The following B3GALT1 variants were observed in gnomAD, a reference collection of about 807,000 sequenced individuals.
The protein encoded by B3GALT1 is UDP-Gal:betaGlcNAc beta 1,3-galactosyltransferase, polypeptide 1.
In B3GALT1, 10 loss-of-function variants were observed where a neutral mutation model predicts 23.2. That is an observed-to-expected ratio of 0.43 (90% CI 0.27 to 0.73). The LOEUF is 0.73. B3GALT1 is among the 30% of genes least tolerant of loss of function. The pLI, the probability that B3GALT1 is intolerant of heterozygous loss-of-function variation, is 0.21. For missense variants in B3GALT1, 299 were observed against 405.4 expected (o/e 0.74, Z 2.25); for synonymous variants, 156 against 141.5 (o/e 1.10, Z -0.73).
chr2:167,556,243 T>G (rs1233119598), intron 2 of B3GALT1, among the ~76,000 whole-genome samples: 1 of 152,094 alleles, frequency 6.6e-6, no homozygotes, highest in Non-Finnish European at 1.5e-5. Flanking sequence ...ACTCAGAGGT[T>G]GAATTAAAAA....
chr2:167,814,924 A>G (rs1436468443), intron 3 of B3GALT1: 1 of 152,178 alleles, frequency 6.6e-6, no homozygotes, highest in Non-Finnish European at 1.5e-5. Flanking sequence ...TGTGTTATAA[A>G]CGTATGTGCC....
At chr2:167,759,482 A>G (rs1229634282) in intron 3 of B3GALT1, among the ~76,000 whole-genome samples, 1 of 152,260 alleles carries the variant, frequency 6.6e-6, no homozygotes, top group South Asian at 2.1e-4. Context: ...TGGAGCACAG[A>G]GAGATCTTAC....
Position 167,435,931 on chromosome 2 carries a change from T to C in B3GALT1, c.-510-54246T>C, listed in dbSNP as rs138923189. The stretch of plus-strand genomic sequence containing the variant: ...CTATCTTGATCTCTGCTTTTCTCCA[T>C]GTCTACCCTCCACACACACACAAAC... On this transcript the variant is annotated intron_variant, in intron 1 of 4. Transcript: ENST00000392690. 2.5e-3 allele frequency among the ~76,000 whole-genome samples: 373 copies of C among 150,236 alleles called. 1 individual carries two copies. Among genetic ancestry groups the C allele is most frequent in the African/African-American group, 8.6e-3 (349 of 40,442 alleles).
At chr2:167,788,794 G>C (rs905603130) in intron 3 of B3GALT1, among the ~76,000 whole-genome samples, 2 of 152,146 alleles carry the variant, frequency 1.3e-5, no homozygotes, top group African/African-American at 4.8e-5. Flanking sequence ...AAAGTGACCA[G>C]AAAATTTATG....
At chr2:167,749,406 A>G (rs1006395917) in intron 3 of B3GALT1, among the ~76,000 whole-genome samples, 5 of 152,152 alleles carry the variant, frequency 3.3e-5, no homozygotes, top group Non-Finnish European at 7.4e-5. Flanking sequence ...ATATAGACCC[A>G]TGTACCTTAC....
chr2:167,810,695 A>G (rs1178887881), intron 3 of B3GALT1, among the ~76,000 whole-genome samples: 8 of 147,406 alleles, frequency 5.4e-5, no homozygotes, highest in Admixed American at 1.3e-4. Flanking sequence ...CATAGATCCC[A>G]CTGCATGCCC....
intron 1 of B3GALT1, among the ~76,000 whole-genome samples, chr2:167,396,808 A>T (rs1698106433): frequency 1.3e-5 from 2 of 151,996 alleles, no homozygotes; most frequent in East Asian, 1.9e-4. Context: ...TAATGCAAAA[A>T]GTATAATACT....
chr2:167,425,937 T>C (rs1698615946), intron 1 of B3GALT1, among the ~76,000 whole-genome samples: 1 of 152,178 alleles, frequency 6.6e-6, no homozygotes, highest in African/African-American at 2.4e-5. Flanking sequence ...TAATATACCA[T>C]TTTTTGCTGC....
At chr2:167,735,650 A>C (rs544022843) in intron 3 of B3GALT1, among the ~76,000 whole-genome samples, 42 of 152,364 alleles carry the variant, frequency 2.8e-4, no homozygotes, top group African/African-American at 9.6e-4. Flanking sequence ...ATCAGTAAAG[A>C]ATACAAGAGG....
At chr2:167,813,266 C>T (rs541211445) in intron 3 of B3GALT1, among the ~76,000 whole-genome samples, 2 of 152,272 alleles carry the variant, frequency 1.3e-5, no homozygotes, top group East Asian at 3.9e-4. Context: ...GAAATAGACT[C>T]TGTGCTGAGC....
chr2:167,624,533 G>A (rs898473210), intron 2 of B3GALT1, among the ~76,000 whole-genome samples: 3 of 152,026 alleles, frequency 2.0e-5, no homozygotes, highest in East Asian at 1.9e-4. Context: ...AGACATGAGC[G>A]TTTTATTTGT....
chr2:167,638,376 A>C (rs2105453170), intron 2 of B3GALT1, among the ~76,000 whole-genome samples: 1 of 152,228 alleles, frequency 6.6e-6, no homozygotes, highest in South Asian at 2.1e-4. Flanking sequence ...ATGAACTTAA[A>C]AGAAAACTGA....
chr2:167,532,187 A>G (rs1237360352), intron 2 of B3GALT1, among the ~76,000 whole-genome samples: 1 of 152,036 alleles, frequency 6.6e-6, no homozygotes, highest in Non-Finnish European at 1.5e-5. Flanking sequence ...TAATTTGTCT[A>G]TTGGGATGCT....
chr2:167,588,962 A>G (rs910313992), intron 2 of B3GALT1, among the ~76,000 whole-genome samples: 1 of 139,924 alleles, frequency 7.1e-6, no homozygotes, highest in Non-Finnish European at 1.5e-5. Flanking sequence ...TGTTTTTTAG[A>G]GGTGGGTTCT....
chr2:167,838,946 A>G (rs563517715), intron 4 of B3GALT1, among the ~76,000 whole-genome samples: 1 of 152,248 alleles, frequency 6.6e-6, no homozygotes, highest in East Asian at 1.9e-4. Context: ...ATCTCAATAG[A>G]TGCAGAAAAT....
chr2:167,429,898 T>A (rs1263657897), intron 1 of B3GALT1, among the ~76,000 whole-genome samples: 1 of 152,230 alleles, frequency 6.6e-6, no homozygotes, highest in Admixed American at 6.5e-5. Flanking sequence ...TTAAAATAGA[T>A]TTATTAAACA....
chr2:167,377,802 G>C (rs1168413059), intron 1 of B3GALT1, among the ~76,000 whole-genome samples: 1 of 152,112 alleles, frequency 6.6e-6, no homozygotes, highest in Non-Finnish European at 1.5e-5. Flanking sequence ...TTTTAAGTGA[G>C]ACATTTAGGT....
chr2:167,803,867 C>T (rs66864629), intron 3 of B3GALT1, among the ~76,000 whole-genome samples: 1 of 152,116 alleles, frequency 6.6e-6, no homozygotes, highest in East Asian at 1.9e-4. Context: ...AGGCATTTAG[C>T]CCCATGAAAG....
In B3GALT1 at chr2:167,400,477, A is replaced by T. The variant is rs576394174; in HGVS notation, c.-510-89700A>T. On this transcript the variant is annotated intron_variant, in intron 1 of 4. Coordinates refer to ENST00000392690, the MANE Select transcript of B3GALT1 (RefSeq NM_020981.4). ...TAAATTATTCCATTATGTTTTATCC[A>T]TCAGCACATCTCTGTCTATTTCCTA... Among the ~76,000 whole-genome samples, 9 of 152,134 alleles carry T rather than the reference A, an allele frequency of 5.9e-5. No individual in the cohort carries two copies. In the East Asian group the frequency reaches 1.7e-3, roughly 29 times the overall value.
Sources: gnomAD v4.1 joint callset for allele counts (sites outside exome capture counted in the v4.1 genomes callset) on GRCh38, gnomAD v4.1.1 for gene constraint, MANE v1.5 for transcripts, NCBI Gene and HGNC (gene_info 2026-07-23, HGNC 2026-07-21) for gene names.